ZFYVE26: variants seen among roughly 807,000 people sequenced by gnomAD.
The protein encoded by ZFYVE26 is zinc finger FYVE domain-containing protein 26.
ZFYVE26 carries 181 observed loss-of-function variants against 276.5 expected under a neutral mutation model. That is an observed-to-expected ratio of 0.65 (90% CI 0.58 to 0.74). ZFYVE26 has a LOEUF of 0.74. Among genes scored for constraint, ZFYVE26 ranks in the 30% least tolerant of loss-of-function variants. The pLI, the probability that ZFYVE26 is intolerant of heterozygous loss-of-function variation, is 0.00. For missense variants in ZFYVE26, 2,821 were observed against 3,097.9 expected (o/e 0.91, Z 2.12); for synonymous variants, 1,129 against 1,203.1 (o/e 0.94, Z 1.27).
intron 25 of ZFYVE26, among the ~76,000 whole-genome samples, chr14:67,776,604 C>T (rs1369976433): frequency 2.0e-5 from 3 of 152,310 alleles, no homozygotes; most frequent in Non-Finnish European, 2.9e-5. Context: ...TGAGGCTTTA[C>T]TCAGAATGAG....
At chr14:67,742,006 C>T (rs966056228), downstream of ZFYVE26, among the ~76,000 whole-genome samples, 1 of 152,230 alleles carries the variant, frequency 6.6e-6, no homozygotes, top group Non-Finnish European at 1.5e-5. Context: ...AACAAGCGCC[C>T]ACGGAGCGGT....
chr14:67,807,351 A>G (rs376581755), intron 5 of ZFYVE26, 47 bp downstream of exon 5: 6 of 1,610,910 alleles, frequency 3.7e-6, no homozygotes, highest in African/African-American at 1.3e-5. Flanking sequence ...AAGGCTGGGC[A>G]TACTGGAATT....
At chr14:67,765,321 T>C (rs2039028245) in intron 32 of ZFYVE26, among the ~76,000 whole-genome samples, 1 of 152,102 alleles carries the variant, frequency 6.6e-6, no homozygotes, top group South Asian at 2.1e-4. Flanking sequence ...TTCTTCACCA[T>C]TTACATGGAT....
chr14:67,766,341 G>A lies in ZFYVE26; in HGVS notation c.5897C>T (p.Thr1966Ile), dbSNP rs765015689. Residue 1966 changes from threonine to isoleucine, a missense_variant, in exon 32 of 42, where the codon ACC (threonine) becomes ATC (isoleucine). By Grantham distance (89) the Thr-to-Ile change is moderately conservative (BLOSUM62 -1). Coordinates refer to ENST00000347230, the MANE Select transcript of ZFYVE26 (RefSeq NM_015346.4). The stretch of plus-strand genomic sequence containing the variant: ...CAGCCCGGCATCCACCTCTGGGTTG[G>A]TGAGGCCCTTGGAGAGCCTGCAGCA... ...EHCCRLSKGL[T>I]NPEVDAGLLT... The A allele has an allele frequency of 6.2e-7, 1 of 1,613,278 alleles. No homozygotes were observed. Among genetic ancestry groups the A allele is most frequent in the Non-Finnish European group, 8.5e-7 (1 of 1,180,040 alleles).
intron 35 of ZFYVE26, among the ~76,000 whole-genome samples, chr14:67,758,722 G>A (rs1428106751): frequency 6.6e-6 from 1 of 152,078 alleles, no homozygotes; most frequent in African/African-American, 2.4e-5. Context: ...TGCAACCTCT[G>A]CCACGCAGGT....
Position 67,755,059 on chromosome 14 carries a change from A to G in ZFYVE26, c.6978T>C (p.Asp2326=), listed in dbSNP as rs774942865. 2.5e-6 allele frequency: 4 copies of G among 1,613,782 alleles called. No individual in the cohort carries two copies. Among genetic ancestry groups the G allele is most frequent in the Admixed American group, 1.7e-5 (1 of 59,994 alleles). The stretch of plus-strand genomic sequence containing the variant: ...CCTGAACCTCCAGCTACCTTGACAC[A>G]TCAGCTGCAGTCATCTTCTTTCTGA... ...TFFRKKMTAA[D]VSRHMNTLQL... is the part of the protein sequence containing the mutation. Residue 2326 remains aspartate, a synonymous_variant, in exon 37 of 42, where the codon GAT becomes GAC. Transcript: ENST00000347230.
At chr14:67,799,037 G>A (rs2040025421) in intron 10 of ZFYVE26, 2 of 1,176,538 alleles carry the variant, frequency 1.7e-6, no homozygotes, top group Non-Finnish European at 2.6e-6. Flanking sequence ...CGTTCCCAGT[G>A]ACAAAGAACA....
chr14:67,777,442 G>T (rs973799141), intron 25 of ZFYVE26, 117 bp downstream of exon 25: 4 of 1,547,214 alleles, frequency 2.6e-6, no homozygotes, highest in Non-Finnish European at 3.6e-6. Flanking sequence ...GAAAAGGCAA[G>T]TTCTGAAGAA....
intron 41 of ZFYVE26, 65 bp downstream of exon 41, chr14:67,750,987 G>T: frequency 6.3e-7 from 1 of 1,595,118 alleles, no homozygotes; most frequent in Non-Finnish European, 8.6e-7. Context: ...AGGGATAAAG[G>T]TGACTAGGCA....
rs71129853 is a variant in ZFYVE26 at position 67,731,207 on chromosome 14, CTTTTTTTT to C, written n.2680-1396_2680-1389del. ...TGTTTCTCATCATATTTCTTTCTTT[CTTTTTTTT>C]TTTTTTTTTTTTTTTTGGAGACATA... is the stretch of plus-strand genomic sequence containing the variant. On this transcript the variant is annotated intron_variant and non_coding_transcript_variant, in intron 13 of 14. Coordinates refer to the ZFYVE26 transcript ENST00000394455. Among the ~76,000 whole-genome samples, 7 of 90,610 alleles carry C rather than the reference CTTTTTTTT, an allele frequency of 7.7e-5. 1 individual carries two copies. Among genetic ancestry groups the C allele is most frequent in the Admixed American group, 2.8e-4 (2 of 7,210 alleles). 59.4% of individuals were successfully genotyped at this position (90,610 alleles called of 152,430 possible).
At chr14:67,737,415 G>A (rs2038364983) in intron 13 of ZFYVE26, among the ~76,000 whole-genome samples, 1 of 152,092 alleles carries the variant, frequency 6.6e-6, no homozygotes, top group Non-Finnish European at 1.5e-5. Context: ...ATCTTCATAA[G>A]GTGGCAGGAG....
chr14:67,776,866 C>T (rs535780966), intron 25 of ZFYVE26, among the ~76,000 whole-genome samples: 1 of 152,304 alleles, frequency 6.6e-6, no homozygotes, highest in Admixed American at 6.5e-5. Flanking sequence ...GCTCTCTTAG[C>T]ACTCGTTCTA....
At chr14:67,753,112 T>A (rs1166848578) in intron 39 of ZFYVE26, among the ~76,000 whole-genome samples, 1 of 152,122 alleles carries the variant, frequency 6.6e-6, no homozygotes, top group East Asian at 1.9e-4. Context: ...TATGAAGCCA[T>A]TGATCACTGA....
intron 25 of ZFYVE26, among the ~76,000 whole-genome samples, chr14:67,777,348 T>A (rs574766284): frequency 2.6e-5 from 4 of 152,292 alleles, no homozygotes; most frequent in Non-Finnish European, 1.5e-5. Flanking sequence ...CCTAGGAGAC[T>A]CAACTAGGAT....
At position 67,780,236 on chromosome 14, in the gene ZFYVE26, G is replaced by A. The variant is rs1156341386; in HGVS notation, c.4674+5C>T. ...GAAGGGGAACACCACCCAGGAAAAC[G>A]GTACCTGTGCTTCTAGAATCATGTT... On this transcript the variant is annotated splice_donor_5th_base_variant and intron_variant, in intron 23 of 41. Coordinates refer to ENST00000347230, the MANE Select transcript of ZFYVE26 (RefSeq NM_015346.4). The A allele has an allele frequency of 1.1e-5, 18 of 1,613,028 alleles. No homozygotes were observed. Among genetic ancestry groups the A allele is most frequent in the East Asian group, 4.5e-5 (2 of 44,830 alleles).
chr14:67,749,013 T>C (rs2038563387), intron 41 of ZFYVE26, among the ~76,000 whole-genome samples: 1 of 152,196 alleles, frequency 6.6e-6, no homozygotes, highest in South Asian at 2.1e-4. Context: ...TTGTAGTTAC[T>C]TGAGTGATTA....
Position 67,769,712 on chromosome 14 carries a change from AATG to A in ZFYVE26, c.5500_5502del (p.His1834del). 1.2e-6 allele frequency: 2 copies of A among 1,614,120 alleles called. No individual in the cohort carries two copies. The highest frequency in any genetic ancestry group is 8.5e-7 in the Non-Finnish European group (1 of 1,180,018). ...CACACTAGCCGGCCACAGCGGCGAC[AATG>A]ATGACGCCTGTTAAACTGAGGAATG... On this transcript the variant is annotated inframe_deletion, in exon 29 of 42. Transcript: ENST00000347230.
At chr14:67,795,900 A>C (rs2039942158) in intron 12 of ZFYVE26, among the ~76,000 whole-genome samples, 1 of 152,244 alleles carries the variant, frequency 6.6e-6, no homozygotes, top group African/African-American at 2.4e-5. Context: ...AAATATAAAC[A>C]GTCAATAAAT....
In ZFYVE26 at chr14:67,756,130, C is replaced by T; in HGVS notation, c.6604G>A (p.Val2202Ile). 6.2e-7 allele frequency: 1 copy of T among 1,614,126 alleles called. No homozygotes were observed. The highest frequency in any genetic ancestry group is 1.1e-5 in the South Asian group (1 of 91,084). ...HLLNKESPPE[V>I]FIEGIFQPSY... Reference sequence around the variant, plus strand: ...GGTTGGAAAATGCCTTCTATAAAAACTTCTGGAGGACTCTCCTGGAGCAGG... The same window carrying T: ...GGTTGGAAAATGCCTTCTATAAAAATTTCTGGAGGACTCTCCTGGAGCAGG... The change falls in exon 36 of 42, where the codon GTT becomes ATT. Residue 2202 changes from valine to isoleucine, a missense_variant. Physicochemically the swap from Val to Ile is conservative, Grantham distance 29. Coordinates refer to ENST00000347230, the MANE Select transcript of ZFYVE26 (RefSeq NM_015346.4).
Sources: allele counts gnomAD v4.1 joint callset (sites outside exome capture counted in the v4.1 genomes callset), GRCh38; gene constraint gnomAD v4.1.1; transcripts MANE v1.5; gene names NCBI Gene and HGNC (gene_info 2026-07-23, HGNC 2026-07-21).